The following RAB8B variants were observed in gnomAD, a reference collection of about 807,000 sequenced individuals.
RAB8B encodes the protein ras-related protein Rab-8B.
Under a neutral mutation model 32.0 loss-of-function variants are expected in RAB8B, and 11 were observed. The ratio of observed to expected loss-of-function variants is 0.34; its 90% CI spans 0.22 to 0.57. The LOEUF (loss-of-function observed/expected upper bound fraction) is 0.57. Ranked by LOEUF, RAB8B falls within the 20% of genes least tolerant of loss-of-function variation. RAB8B has a pLI of 0.86. For synonymous variants in RAB8B, 103 were observed against 89.6 expected (o/e 1.15, Z -0.85); for missense variants, 190 against 258.5 (o/e 0.73, Z 1.82).
At chr15:63,206,216 T>C (rs1164264720) in intron 1 of RAB8B, among the ~76,000 whole-genome samples, 2 of 152,216 alleles carry the variant, frequency 1.3e-5, no homozygotes, top group African/African-American at 4.8e-5. Flanking sequence ...CCCATTTCTT[T>C]TTTTACCCAG....
At chr15:63,262,790 A>G (rs371973230) in intron 7 of RAB8B, 48 bp downstream of exon 7, 25 of 1,002,392 alleles carry the variant, frequency 2.5e-5, no homozygotes, top group Non-Finnish European at 5.5e-6. Context: ...TCTGTTTGGC[A>G]TTTGATGAAA....
intron 1 of RAB8B, among the ~76,000 whole-genome samples, chr15:63,235,172 G>A (rs910514557): frequency 1.3e-5 from 2 of 152,086 alleles, no homozygotes. Flanking sequence ...GATTTAGTCA[G>A]GGAAAAAGCA....
rs181646690 is a variant in RAB8B, at chr15:63,216,454, C to T, written c.124+26706C>T. Reference sequence around the variant, plus strand: ...ATGTTGTCCAGGTTGGTCTTGAACTCGTGAGCTCGAGCAGTCCACCTGCCT... The same window carrying T: ...ATGTTGTCCAGGTTGGTCTTGAACTTGTGAGCTCGAGCAGTCCACCTGCCT... On this transcript the variant is annotated intron_variant, in intron 1 of 7. Coordinates refer to ENST00000321437, the MANE Select transcript of RAB8B (RefSeq NM_016530.3). Among the ~76,000 whole-genome samples, 458 of 151,848 alleles carry T rather than the reference C, an allele frequency of 3.0e-3. 2 individuals carry two copies. Among genetic ancestry groups the T allele is most frequent in the African/African-American group, 0.01 (426 of 41,504 alleles).
intron 1 of RAB8B, among the ~76,000 whole-genome samples, chr15:63,232,470 A>G (rs2037943278): frequency 6.6e-6 from 1 of 152,208 alleles, no homozygotes; most frequent in African/African-American, 2.4e-5. Flanking sequence ...GTATGATTAG[A>G]TCTTATGGGT....
chr15:63,221,620 T>C (rs1287054365), intron 1 of RAB8B, among the ~76,000 whole-genome samples: 2 of 152,094 alleles, frequency 1.3e-5, no homozygotes, highest in Non-Finnish European at 2.9e-5. Context: ...TATAAGACAG[T>C]CCTGGCCAGG....
chr15:63,201,629 A>G (rs1257941735), intron 1 of RAB8B, among the ~76,000 whole-genome samples: 1 of 152,168 alleles, frequency 6.6e-6, no homozygotes, highest in African/African-American at 2.4e-5. Context: ...AAGAAACAAC[A>G]TCATTTGCCC....
At chr15:63,222,786 C>T (rs1290374051) in intron 1 of RAB8B, among the ~76,000 whole-genome samples, 1 of 152,044 alleles carries the variant, frequency 6.6e-6, no homozygotes, top group Admixed American at 6.5e-5. Context: ...AGTGATCCTC[C>T]CGCTTTGGCC....
In RAB8B at chr15:63,215,517, T is replaced by C. The variant is rs551910967; in HGVS notation, c.124+25769T>C. Reference sequence around the variant, plus strand: ...AGTCTTCGAAGGAACTGAGAATCCCTATGATAGACTTCGCTACTTGTAAAT... The same window carrying C: ...AGTCTTCGAAGGAACTGAGAATCCCCATGATAGACTTCGCTACTTGTAAAT... On this transcript the variant is annotated intron_variant, in intron 1 of 7. Coordinates refer to ENST00000321437, the MANE Select transcript of RAB8B (RefSeq NM_016530.3). Among the ~76,000 whole-genome samples the C allele has an allele frequency of 2.0e-5, 3 of 152,352 alleles. No individual in the cohort carries two copies. In the South Asian group the frequency reaches 6.2e-4, roughly 32 times the overall value.
rs537373735 is a variant in RAB8B, at chr15:63,249,307, G to A, written c.186-338G>A. ...AAAAGGATTATAACTATCTCGGGGA[G>A]TCGAAGAATTTAGAACTATTCTCTA... is the stretch of plus-strand genomic sequence containing the variant. On this transcript the variant is annotated intron_variant, in intron 2 of 7. Transcript: ENST00000321437. Among the ~76,000 whole-genome samples, 20 of 152,254 alleles carry A rather than the reference G, an allele frequency of 1.3e-4. No homozygotes were observed. In the South Asian group the frequency reaches 4.2e-3, roughly 32 times the overall value.
At chr15:63,215,928 C>T (rs553190865) in intron 1 of RAB8B, among the ~76,000 whole-genome samples, 20 of 152,012 alleles carry the variant, frequency 1.3e-4, no homozygotes, top group Admixed American at 5.9e-4. Context: ...GTCCCAGCTA[C>T]TCTGGCGGCT....
intron 1 of RAB8B, among the ~76,000 whole-genome samples, chr15:63,222,760 C>T (rs752070002): frequency 6.6e-6 from 1 of 152,152 alleles, no homozygotes. Flanking sequence ...AGGCTGGTCT[C>T]GAACTCCTGA....
chr15:63,260,648 A>C, intron 6 of RAB8B, among the ~76,000 whole-genome samples: 1 of 152,138 alleles, frequency 6.6e-6, no homozygotes. Context: ...ACAAACCTGC[A>C]TGTTCTATAC....
intron 3 of RAB8B, among the ~76,000 whole-genome samples, 158 bp downstream of exon 3, chr15:63,249,863 G>A (rs536786796): frequency 3.7e-4 from 56 of 152,288 alleles, no homozygotes; most frequent in Non-Finnish European, 6.3e-4. Context: ...GGGGCCGGGC[G>A]CGGTGGCTCA....
At chr15:63,234,685 G>A (rs991677650) in intron 1 of RAB8B, among the ~76,000 whole-genome samples, 3 of 152,130 alleles carry the variant, frequency 2.0e-5, no homozygotes, top group Non-Finnish European at 4.4e-5. Flanking sequence ...AGGTATCTGC[G>A]AGCTCTGATG....
intron 1 of RAB8B, among the ~76,000 whole-genome samples, chr15:63,231,931 A>C (rs886732643): frequency 1.3e-5 from 2 of 152,218 alleles, no homozygotes; most frequent in Non-Finnish European, 2.9e-5. Flanking sequence ...ATTGAGTAAC[A>C]CTTGAAACAC....
rs1026742312 is a variant in RAB8B at position 63,192,957 on chromosome 15, G to A, written c.124+3209G>A. Among the ~76,000 whole-genome samples the A allele has an allele frequency of 1.2e-4, 19 of 152,140 alleles. No individual in the cohort carries two copies. The South Asian group carries it at 1.7e-3, about 13-fold the overall frequency. ...AAAATACAAAAATTCACCAAACGGTGTATGCCTGTATTCCTAGCTACTTGG... is the reference window on the plus strand; with the variant it reads ...AAAATACAAAAATTCACCAAACGGTATATGCCTGTATTCCTAGCTACTTGG... On this transcript the variant is annotated intron_variant, in intron 1 of 7. Coordinates refer to ENST00000321437, the MANE Select transcript of RAB8B (RefSeq NM_016530.3).
chr15:63,254,041 C>T (rs868041094), intron 3 of RAB8B, among the ~76,000 whole-genome samples: 3 of 152,226 alleles, frequency 2.0e-5, no homozygotes, highest in African/African-American at 7.2e-5. Context: ...GCCCTTCAGC[C>T]TCAGCTTGTG....
intron 1 of RAB8B, among the ~76,000 whole-genome samples, chr15:63,225,044 T>C (rs1268070364): frequency 6.6e-6 from 1 of 152,252 alleles, no homozygotes; most frequent in Non-Finnish European, 1.5e-5. Context: ...GGATATTTCC[T>C]ATAGTTCTAC....
intron 1 of RAB8B, among the ~76,000 whole-genome samples, chr15:63,203,705 T>C (rs745774349): frequency 2.0e-5 from 3 of 152,250 alleles, no homozygotes; most frequent in African/African-American, 4.8e-5. Context: ...GCGTCTTAGT[T>C]GTGTTCCGTT....
Sources: allele counts gnomAD v4.1 joint callset (sites outside exome capture counted in the v4.1 genomes callset), GRCh38; gene constraint gnomAD v4.1.1; transcripts MANE v1.5; gene names NCBI Gene and HGNC (gene_info 2026-07-23, HGNC 2026-07-21).